The following FRMD4B variants were observed in gnomAD, a reference collection of about 807,000 sequenced individuals.
The protein encoded by FRMD4B is FERM domain-containing protein 4B.
FRMD4B carries 74 observed loss-of-function variants against 141.5 expected under a neutral mutation model. That is an observed-to-expected ratio of 0.52 (90% CI 0.43 to 0.63). FRMD4B has a LOEUF of 0.63. Among genes scored for constraint, FRMD4B ranks in the 30% least tolerant of loss-of-function variants. The pLI is 0.00. For missense variants in FRMD4B, 1,366 were observed against 1,253.4 expected, an observed-to-expected ratio of 1.09 and a Z score of -1.36; for synonymous variants, 506 against 467.9, an observed-to-expected ratio of 1.08 and a Z score of -1.05.
At chr3:69,523,504 C>T (rs938960584) in intron 1 of FRMD4B, among the ~76,000 whole-genome samples, 2 of 152,102 alleles carry the variant, frequency 1.3e-5, no homozygotes, top group Non-Finnish European at 2.9e-5. Flanking sequence ...CGTATGGTTT[C>T]AAAGTAGCAA....
At chr3:69,427,798 G>A (rs1705112128) in intron 2 of FRMD4B, among the ~76,000 whole-genome samples, 1 of 151,842 alleles carries the variant, frequency 6.6e-6, no homozygotes. Flanking sequence ...TGGGATTACA[G>A]GCATGTGCCA....
intron 1 of FRMD4B, among the ~76,000 whole-genome samples, chr3:69,491,510 A>G (rs1575589413): frequency 6.6e-6 from 1 of 152,264 alleles, no homozygotes; most frequent in African/African-American, 2.4e-5. Context: ...CCTATTTGCA[A>G]TTAAAGAAAA....
intron 1 of FRMD4B, among the ~76,000 whole-genome samples, chr3:69,348,048 G>GT (rs1319292332): frequency 1.3e-5 from 2 of 152,072 alleles, no homozygotes; most frequent in Non-Finnish European, 2.9e-5. Context: ...CCAGGAGCTG[G>GT]TTTTTTGAAA....
intron 7 of FRMD4B, among the ~76,000 whole-genome samples, chr3:69,245,665 T>TTTC (rs1491197335): frequency 0.018 from 72 of 4,018 alleles, no homozygotes; most frequent in African/African-American, 0.021. Context: ...TTTTCTTTTC[T>TTTC]TTTTTTTTTT....
intron 3 of FRMD4B, among the ~76,000 whole-genome samples, chr3:69,308,591 T>C (rs923941479): frequency 2.0e-5 from 3 of 151,866 alleles, no homozygotes; most frequent in Middle Eastern, 6.8e-3. Context: ...GTGTGCACCA[T>C]CATGCCCCCT....
At chr3:69,505,872 G>T (rs1298548872) in intron 1 of FRMD4B, among the ~76,000 whole-genome samples, 2 of 152,160 alleles carry the variant, frequency 1.3e-5, no homozygotes, top group African/African-American at 4.8e-5. Context: ...GAAGGCAGCT[G>T]GTGGGTAAAC....
chr3:69,536,338 G>GC (rs1575604183), intron 1 of FRMD4B: 1 of 664,824 alleles, frequency 1.5e-6, no homozygotes, highest in Non-Finnish European at 2.7e-6. Context: ...GCTGCCAGTG[G>GC]CCCCCCTTGC....
chr3:69,490,796 T>C (rs1446249240), intron 1 of FRMD4B, among the ~76,000 whole-genome samples: 1 of 152,188 alleles, frequency 6.6e-6, no homozygotes, highest in Non-Finnish European at 1.5e-5. Flanking sequence ...ACCAGGCCTA[T>C]AATAAGAGAC....
intron 2 of FRMD4B, among the ~76,000 whole-genome samples, chr3:69,417,250 G>A (rs1460981248): frequency 6.6e-6 from 1 of 152,198 alleles, no homozygotes; most frequent in Non-Finnish European, 1.5e-5. Context: ...CATTCTAACT[G>A]GTGTGAGATG....
At chr3:69,269,662 T>G (rs1266708532) in intron 5 of FRMD4B, among the ~76,000 whole-genome samples, 4 of 152,244 alleles carry the variant, frequency 2.6e-5, no homozygotes, top group Non-Finnish European at 5.9e-5. Flanking sequence ...TTGTTTGTTT[T>G]GAGACAGGGT....
intron 14 of FRMD4B, among the ~76,000 whole-genome samples, chr3:69,195,784 A>G (rs2092897889): frequency 6.6e-6 from 1 of 152,216 alleles, no homozygotes; most frequent in Non-Finnish European, 1.5e-5. Context: ...GTTGACAGTG[A>G]GATTTAGATG....
At chr3:69,198,029 C>T (rs1354441776) in intron 12 of FRMD4B, 1 of 151,666 alleles carries the variant, frequency 6.6e-6, no homozygotes, top group Non-Finnish European at 1.5e-5. Context: ...GAGGTTGAGG[C>T]ATGAGCATCA....
chr3:69,518,360 C>G (rs990767178), intron 1 of FRMD4B, among the ~76,000 whole-genome samples: 2 of 152,132 alleles, frequency 1.3e-5, no homozygotes, highest in African/African-American at 4.8e-5. Context: ...TTCTTCCCTT[C>G]TTAATGTAAA....
At chr3:69,204,229 C>A (rs2092999556) in intron 11 of FRMD4B, among the ~76,000 whole-genome samples, 1 of 152,110 alleles carries the variant, frequency 6.6e-6, no homozygotes, top group Non-Finnish European at 1.5e-5. Context: ...CTAGGAGGAC[C>A]TTCCCAGGGG....
chr3:69,507,825 G>T (rs1478933474), intron 1 of FRMD4B, among the ~76,000 whole-genome samples: 1 of 152,136 alleles, frequency 6.6e-6, no homozygotes. Context: ...AATTGTCAGA[G>T]TCTGTTTAAA....
chr3:69,360,863 T>C (rs1245209212), intron 1 of FRMD4B, among the ~76,000 whole-genome samples: 3 of 152,218 alleles, frequency 2.0e-5, no homozygotes, highest in Non-Finnish European at 4.4e-5. Flanking sequence ...GCTCAACAGC[T>C]ATATCATTTA....
At chr3:69,265,199 G>A (rs1471902058) in intron 5 of FRMD4B, among the ~76,000 whole-genome samples, 13 of 134,722 alleles carry the variant, frequency 9.6e-5, no homozygotes, top group South Asian at 2.6e-4. Flanking sequence ...AGCTTGCAGT[G>A]AGCCGAGATT....
At chr3:69,287,527 G>T in intron 5 of FRMD4B, 1 of 539,528 alleles carries the variant, frequency 1.9e-6, no homozygotes, top group Non-Finnish European at 3.3e-6. Context: ...TAGTGATTGT[G>T]CATATGCAGG....
chr3:69,263,167 G>A (rs2093538885), intron 5 of FRMD4B, among the ~76,000 whole-genome samples: 1 of 152,092 alleles, frequency 6.6e-6, no homozygotes, highest in Admixed American at 6.5e-5. Context: ...TGAGACAGGA[G>A]AACTGCTTGA....
Sources: gnomAD v4.1 joint callset for allele counts (sites outside exome capture counted in the v4.1 genomes callset) on GRCh38, gnomAD v4.1.1 for gene constraint, MANE v1.5 for transcripts, NCBI Gene and HGNC (gene_info 2026-07-23, HGNC 2026-07-21) for gene names.